Variants in ROBO2 observed in about 807,000 individuals in gnomAD.
ROBO2 encodes roundabout guidance receptor 2.
A neutral mutation model predicts 160.8 loss-of-function variants in ROBO2; 53 were observed. The ratio of observed to expected loss-of-function variants is 0.33; its 90% CI spans 0.26 to 0.41. The LOEUF is 0.41. Ranked by LOEUF, ROBO2 falls within the 10% of genes least tolerant of loss-of-function variation. The pLI, the probability that ROBO2 is intolerant of heterozygous loss-of-function variation, is 1.00. For synonymous variants in ROBO2, 664 were observed against 611.7 expected (o/e 1.09, Z -1.26); for missense variants, 1,577 against 1,722.4 (o/e 0.92, Z 1.49).
intron 2 of ROBO2, among the ~76,000 whole-genome samples, chr3:76,789,651 A>C (rs2063221049): frequency 6.6e-6 from 1 of 151,686 alleles, no homozygotes; most frequent in African/African-American, 2.4e-5. Flanking sequence ...AAGTTCATAA[A>C]CTGTAGTGAG....
chr3:76,240,791 A>G (rs940317527), intron 2 of ROBO2, among the ~76,000 whole-genome samples: 3 of 152,272 alleles, frequency 2.0e-5, no homozygotes, highest in African/African-American at 7.2e-5. Flanking sequence ...ATGATCAGAA[A>G]TTACTTGTAC....
At chr3:76,946,582 C>T (rs1455029368) in intron 2 of ROBO2, among the ~76,000 whole-genome samples, 1 of 152,004 alleles carries the variant, frequency 6.6e-6, no homozygotes, top group Non-Finnish European at 1.5e-5. Flanking sequence ...GGATTACAGG[C>T]GCCCACCACG....
intron 2 of ROBO2, among the ~76,000 whole-genome samples, chr3:76,764,010 C>T (rs1354476585): frequency 6.6e-6 from 1 of 151,674 alleles, no homozygotes; most frequent in African/African-American, 2.4e-5. Context: ...ATCCCTTGGC[C>T]GGGAAATTTT....
chr3:76,857,213 C>T (rs2070215741), intron 2 of ROBO2, among the ~76,000 whole-genome samples: 1 of 152,256 alleles, frequency 6.6e-6, no homozygotes, highest in South Asian at 2.1e-4. Context: ...TCTCGATCTC[C>T]TGACCTCGTG....
chr3:76,510,777 A>G (rs1577758180), intron 2 of ROBO2, among the ~76,000 whole-genome samples: 1 of 152,228 alleles, frequency 6.6e-6, no homozygotes, highest in African/African-American at 2.4e-5. Context: ...TGAAAAACAG[A>G]AAAACACTGC....
At chr3:77,235,156 G>A (rs980138324) in intron 2 of ROBO2, among the ~76,000 whole-genome samples, 3 of 152,046 alleles carry the variant, frequency 2.0e-5, no homozygotes, top group Non-Finnish European at 2.9e-5. Context: ...GTAATCTATG[G>A]TGATAAACAA....
intron 2 of ROBO2, among the ~76,000 whole-genome samples, chr3:76,843,995 T>C (rs533185095): frequency 6.6e-6 from 1 of 152,168 alleles, no homozygotes; most frequent in East Asian, 1.9e-4. Context: ...CATTATTACA[T>C]ATTTGAGTTC....
At chr3:76,005,162 C>T (rs546012053) in intron 2 of ROBO2, among the ~76,000 whole-genome samples, 1 of 152,272 alleles carries the variant, frequency 6.6e-6, no homozygotes, top group East Asian at 1.9e-4. Context: ...ATTGCCCAGT[C>T]TCTTATATTC....
At chr3:77,178,967 A>G (rs542185125) in intron 2 of ROBO2, among the ~76,000 whole-genome samples, 1 of 152,164 alleles carries the variant, frequency 6.6e-6, no homozygotes, top group African/African-American at 2.4e-5. Context: ...CAATCTGCTA[A>G]TGGTTCCAGG....
rs930214714 is a variant in ROBO2 at position 77,171,390 on chromosome 3, G to A, written c.388+73050G>A. On this transcript the variant is annotated intron_variant, in intron 2 of 25. Coordinates refer to ENST00000461745, the Ensembl canonical transcript of ROBO2. ...TAGAAAACTGATCTTAGAAATTTTGGGAAGTTTAGAGGATAACAAGAATTG... is the reference window on the plus strand; with the variant it reads ...TAGAAAACTGATCTTAGAAATTTTGAGAAGTTTAGAGGATAACAAGAATTG... Among the ~76,000 whole-genome samples the A allele has an allele frequency of 2.0e-5, 3 of 152,062 alleles. No homozygotes were observed. In the East Asian group the frequency reaches 5.8e-4, roughly 29 times the overall value.
intron 2 of ROBO2, among the ~76,000 whole-genome samples, chr3:76,178,507 G>T (rs1381130966): frequency 6.6e-6 from 1 of 152,078 alleles, no homozygotes; most frequent in South Asian, 2.1e-4. Context: ...TCTCTATAAA[G>T]GGAACACAGA....
chr3:77,296,637 G>A (rs1385550776), intron 2 of ROBO2, among the ~76,000 whole-genome samples: 1 of 152,104 alleles, frequency 6.6e-6, no homozygotes, highest in Non-Finnish European at 1.5e-5. Flanking sequence ...CCAGGTGATT[G>A]TGATGCATAG....
At chr3:76,927,199 G>T (rs1000156199) in intron 2 of ROBO2, among the ~76,000 whole-genome samples, 1 of 152,136 alleles carries the variant, frequency 6.6e-6, no homozygotes, top group South Asian at 2.1e-4. Flanking sequence ...CAAATGAATA[G>T]AACTGTAAGT....
chr3:76,503,220 C>T (rs1486971605), intron 2 of ROBO2, among the ~76,000 whole-genome samples: 4 of 151,972 alleles, frequency 2.6e-5, no homozygotes, highest in African/African-American at 4.8e-5. Flanking sequence ...AGGCTAGGCC[C>T]GTCTCTCCTT....
intron 2 of ROBO2, among the ~76,000 whole-genome samples, chr3:76,803,485 G>T (rs1167571938): frequency 1.2e-5 from 1 of 82,086 alleles, no homozygotes; most frequent in African/African-American, 5.9e-5. Context: ...GGGAGGGAGG[G>T]AGGGAGAGAG....
intron 2 of ROBO2, among the ~76,000 whole-genome samples, chr3:76,341,756 A>C (rs2074243257): frequency 6.6e-6 from 1 of 152,178 alleles, no homozygotes; most frequent in Non-Finnish European, 1.5e-5. Flanking sequence ...GCAAAAGGAA[A>C]ATGGCTTAAA....
chr3:77,041,118 C>T (rs538898689), intron 1 of ROBO2, among the ~76,000 whole-genome samples: 1 of 152,156 alleles, frequency 6.6e-6, no homozygotes, highest in Non-Finnish European at 1.5e-5. Context: ...TGATTGGGCT[C>T]CCAGTTTTGT....
At chr3:76,886,952 C>G (rs2073940643) in intron 2 of ROBO2, among the ~76,000 whole-genome samples, 2 of 152,180 alleles carry the variant, frequency 1.3e-5, no homozygotes, top group African/African-American at 4.8e-5. Context: ...TAGCCACTAC[C>G]TTGGACAGAG....
intron 4 of ROBO2, among the ~76,000 whole-genome samples, chr3:77,483,186 G>T (rs1433526467): frequency 2.0e-5 from 3 of 151,950 alleles, no homozygotes; most frequent in Non-Finnish European, 4.4e-5. Flanking sequence ...TGACCTGAGG[G>T]GTTATAAGTA....
Sources: gnomAD v4.1 joint callset for allele counts (sites outside exome capture counted in the v4.1 genomes callset) on GRCh38, gnomAD v4.1.1 for gene constraint, MANE v1.5 for transcripts, NCBI Gene and HGNC (gene_info 2026-07-23, HGNC 2026-07-21) for gene names.